SV2C: variants seen among roughly 807,000 people sequenced by gnomAD.
SV2C encodes synaptic vesicle glycoprotein 2C.
Under a neutral mutation model 79.7 loss-of-function variants are expected in SV2C, and 49 were observed. The ratio of observed to expected loss-of-function variants is 0.61; its 90% CI spans 0.49 to 0.78. The LOEUF (loss-of-function observed/expected upper bound fraction) is 0.78, where lower values mean the gene tolerates loss of function less well. SV2C is among the 30% of genes least tolerant of loss of function. The probability of loss-of-function intolerance (pLI) is 0.00; values close to 1 mark genes in which losing one functional copy is unlikely to be tolerated. For synonymous variants in SV2C, 334 were observed against 333.2 expected (o/e 1.00, Z -0.03); for missense variants, 833 against 912.9 (o/e 0.91, Z 1.13).
the SV2C span, among the ~76,000 whole-genome samples, chr5:75,864,310 C>CTCCATCCATCCATCCA: frequency 3.4e-4 from 51 of 149,710 alleles, no homozygotes; most frequent in South Asian, 1.3e-3. Flanking sequence ...TCCAGTGCCA[C>CTCCATCCATCCATCCA]TCCATCCATC....
chr5:75,883,099 A>G, the SV2C span, among the ~76,000 whole-genome samples: 4 of 145,388 alleles, frequency 2.8e-5, no homozygotes, highest in East Asian at 2.0e-4. Flanking sequence ...AATGCTCACC[A>G]TCACTGGCCA....
At chr5:76,155,770 T>C (rs1742703033) in intron 2 of SV2C, among the ~76,000 whole-genome samples, 1 of 150,136 alleles carries the variant, frequency 6.7e-6, no homozygotes. Flanking sequence ...AGAGTAGGGG[T>C]GTCACTTAGA....
chr5:76,040,625 G>A, the SV2C span, among the ~76,000 whole-genome samples: 38 of 152,282 alleles, frequency 2.5e-4, no homozygotes, highest in East Asian at 6.4e-3. Context: ...GTAGCCAGGA[G>A]GTAATATTTT....
the SV2C span, among the ~76,000 whole-genome samples, chr5:75,876,354 TG>T: frequency 6.9e-4 from 105 of 152,054 alleles, no homozygotes; most frequent in Middle Eastern, 6.8e-3. Context: ...CTCTTGCAGG[TG>T]GGAGCTAAAT....
intron 12 of SV2C, among the ~76,000 whole-genome samples, chr5:76,315,900 A>G (rs1748602722): frequency 6.6e-6 from 1 of 152,158 alleles, no homozygotes; most frequent in African/African-American, 2.4e-5. Flanking sequence ...CACATCATAA[A>G]CACTTTCCCT....
At chr5:75,902,256 C>T in the SV2C span, among the ~76,000 whole-genome samples, 2,516 of 152,264 alleles carry the variant, frequency 0.017, 36 homozygotes, top group African/African-American at 0.043. Context: ...TAGTTCTTAA[C>T]CACTTGCTTT....
chr5:76,298,563 C>A (rs896647292), intron 9 of SV2C, among the ~76,000 whole-genome samples: 5 of 152,140 alleles, frequency 3.3e-5, no homozygotes, highest in Non-Finnish European at 5.9e-5. Flanking sequence ...TTAGGAGTGT[C>A]ATCTCTTTTC....
intron 12 of SV2C, among the ~76,000 whole-genome samples, chr5:76,305,322 C>G (rs1748150991): frequency 6.6e-6 from 1 of 152,178 alleles, no homozygotes; most frequent in Non-Finnish European, 1.5e-5. Flanking sequence ...GGACGTTGTT[C>G]ATTATAGGAC....
intron 12 of SV2C, among the ~76,000 whole-genome samples, chr5:76,303,553 G>GTGA (rs1313148289): frequency 6.6e-6 from 1 of 152,052 alleles, no homozygotes; most frequent in Non-Finnish European, 1.5e-5. Flanking sequence ...CTATAAGAGT[G>GTGA]TGATACTGTT....
intron 3 of SV2C, among the ~76,000 whole-genome samples, chr5:76,207,474 G>T (rs1480306038): frequency 6.6e-6 from 1 of 152,180 alleles, no homozygotes; most frequent in Admixed American, 6.5e-5. Context: ...TTCATACTAG[G>T]ATTGTGTGTT....
the SV2C span, among the ~76,000 whole-genome samples, chr5:75,847,476 A>C: frequency 6.6e-6 from 1 of 152,188 alleles, no homozygotes; most frequent in African/African-American, 2.4e-5. Context: ...ACCCATGTAC[A>C]CTGACTTGCA....
the SV2C span, among the ~76,000 whole-genome samples, chr5:76,044,298 G>A: frequency 2.0e-4 from 30 of 152,182 alleles, no homozygotes; most frequent in African/African-American, 7.0e-4. Flanking sequence ...GTTTTCTTTA[G>A]TCAGTCTATT....
chr5:76,154,066 G>T (rs919386426), intron 2 of SV2C, among the ~76,000 whole-genome samples: 7 of 152,156 alleles, frequency 4.6e-5, no homozygotes, highest in Non-Finnish European at 8.8e-5. Flanking sequence ...CACAGAGTCT[G>T]TTACCTTAGT....
At chr5:75,910,334 C>T in the SV2C span, 1 of 550,410 alleles carries the variant, frequency 1.8e-6, no homozygotes, top group Non-Finnish European at 3.6e-6. Flanking sequence ...GTAGTCTTCC[C>T]AAAGGAGATC....
intron 3 of SV2C, among the ~76,000 whole-genome samples, chr5:76,205,699 T>C (rs1744587507): frequency 6.6e-6 from 1 of 152,252 alleles, no homozygotes; most frequent in Non-Finnish European, 1.5e-5. Context: ...ATGTAAAAGA[T>C]ATTTGTGTCT....
the SV2C span, among the ~76,000 whole-genome samples, chr5:75,923,383 C>G: frequency 6.6e-6 from 1 of 151,794 alleles, no homozygotes; most frequent in South Asian, 2.1e-4. Flanking sequence ...TGACTAAGAC[C>G]CCAAAAGCAA....
At chr5:76,223,444 C>T (rs367709118) in intron 4 of SV2C, among the ~76,000 whole-genome samples, 653 of 45,460 alleles carry the variant, frequency 0.014, 34 homozygotes, top group East Asian at 0.037. Flanking sequence ...TACATACATA[C>T]ATATATATAT....
the SV2C span, among the ~76,000 whole-genome samples, chr5:75,934,214 T>C: frequency 9.9e-5 from 15 of 152,222 alleles, no homozygotes; most frequent in Non-Finnish European, 1.9e-4. Flanking sequence ...TGCATTAGAC[T>C]GTGACTGGAT....
the SV2C span, among the ~76,000 whole-genome samples, chr5:75,909,536 G>T: frequency 6.6e-6 from 1 of 152,174 alleles, no homozygotes; most frequent in East Asian, 1.9e-4. Flanking sequence ...GAGACAAGTG[G>T]GCTCAAGGTA....
Sources: allele counts gnomAD v4.1 joint callset (sites outside exome capture counted in the v4.1 genomes callset), GRCh38; gene constraint gnomAD v4.1.1; transcripts MANE v1.5; gene names NCBI Gene and HGNC (gene_info 2026-07-23, HGNC 2026-07-21).